The following TESK2 variants were observed in gnomAD, a reference collection of about 807,000 sequenced individuals.
The protein encoded by TESK2 is testis associated actin remodelling kinase 2.
TESK2 carries 39 observed loss-of-function variants against 57.1 expected under a neutral mutation model. The ratio of observed to expected loss-of-function variants is 0.68; its 90% CI spans 0.53 to 0.89. The LOEUF (loss-of-function observed/expected upper bound fraction) is 0.89. TESK2 is among the 40% of genes least tolerant of loss of function. The pLI is 0.00. For missense variants in TESK2, 646 were observed against 732.1 expected (o/e 0.88, Z 1.36); for synonymous variants, 249 against 267.9 (o/e 0.93, Z 0.69).
At chr1:45,463,417 T>C (rs1270550367) in intron 1 of TESK2, among the ~76,000 whole-genome samples, 1 of 152,156 alleles carries the variant, frequency 6.6e-6, no homozygotes, top group African/African-American at 2.4e-5. Flanking sequence ...TGATTAGGTT[T>C]TTCTTCTGCA....
intron 4 of TESK2, among the ~76,000 whole-genome samples, chr1:45,367,456 C>A (rs1032381352): frequency 1.4e-5 from 2 of 147,980 alleles, no homozygotes; most frequent in Non-Finnish European, 3.0e-5. Context: ...TCAAGCAATT[C>A]TCTTGCCTCA....
chr1:45,416,408 G>A (rs2149285161), intron 3 of TESK2, among the ~76,000 whole-genome samples: 1 of 152,006 alleles, frequency 6.6e-6, no homozygotes, highest in South Asian at 2.1e-4. Context: ...CAAAGTGCTG[G>A]GATTACAGGT....
chr1:45,370,013 G>A (rs576411645), intron 4 of TESK2, among the ~76,000 whole-genome samples: 2 of 152,132 alleles, frequency 1.3e-5, no homozygotes, highest in East Asian at 3.9e-4. Flanking sequence ...GTCCAGCCAG[G>A]GAAGATGATT....
intron 4 of TESK2, among the ~76,000 whole-genome samples, chr1:45,384,390 T>TCTAC (rs1334603925): frequency 2.8e-5 from 1 of 35,278 alleles, no homozygotes; most frequent in East Asian, 9.9e-4. Context: ...TATCTATCTG[T>TCTAC]CTATCTATCT....
At chr1:45,379,129 C>G (rs1460607948) in intron 4 of TESK2, among the ~76,000 whole-genome samples, 7 of 151,460 alleles carry the variant, frequency 4.6e-5, no homozygotes, top group African/African-American at 1.5e-4. Context: ...TCACATATCA[C>G]AGCACACCAA....
At chr1:45,405,109 C>T (rs1037645922) in intron 3 of TESK2, among the ~76,000 whole-genome samples, 2 of 152,088 alleles carry the variant, frequency 1.3e-5, no homozygotes, top group African/African-American at 4.8e-5. Context: ...TACAGCAGTA[C>T]TACTATTATT....
intron 1 of TESK2, among the ~76,000 whole-genome samples, chr1:45,471,872 C>A (rs1336770601): frequency 1.3e-5 from 2 of 152,138 alleles, no homozygotes; most frequent in Non-Finnish European, 2.9e-5. Flanking sequence ...CAGCCTCGAA[C>A]TCCTAAGCTC....
Position 45,347,024 on chromosome 1 carries a change from G to A in TESK2, c.747C>T (p.Ile249=), listed in dbSNP as rs1054168471. ...VFSYGIILCE[I]IARIQADPDY... is the part of the protein sequence containing the mutation. Reference sequence around the variant, plus strand: ...CCGGATCGGCCTGGATGCGGGCGATGATCTCGCAGAGGATGATACCATAAG... The same window carrying A: ...CCGGATCGGCCTGGATGCGGGCGATAATCTCGCAGAGGATGATACCATAAG... Residue 249 remains isoleucine, a synonymous_variant, in exon 8 of 11, where the codon ATC becomes ATT. Coordinates refer to ENST00000372086, the MANE Select transcript of TESK2 (RefSeq NM_007170.3). 2.5e-6 allele frequency: 4 copies of A among 1,614,220 alleles called. No individual in the cohort carries two copies. The African/African-American group carries it at 5.3e-5, about 22-fold the overall frequency.
chr1:45,351,195 C>T (rs1040037101), intron 5 of TESK2, among the ~76,000 whole-genome samples: 16 of 152,218 alleles, frequency 1.1e-4, no homozygotes, highest in African/African-American at 3.6e-4. Context: ...AGCCAAGGCT[C>T]GGGTATGTGT....
At chr1:45,483,458 C>CT (rs1653318390) in intron 1 of TESK2, among the ~76,000 whole-genome samples, 2 of 151,890 alleles carry the variant, frequency 1.3e-5, no homozygotes, top group Non-Finnish European at 2.9e-5. Context: ...ATTAGTTGGG[C>CT]ATGGTGGCGC....
At chr1:45,390,723 GCAC>G (rs1649100165) in intron 3 of TESK2, among the ~76,000 whole-genome samples, 1 of 150,116 alleles carries the variant, frequency 6.7e-6, no homozygotes, top group Non-Finnish European at 1.5e-5. Flanking sequence ...CTATAGGTGT[GCAC>G]CACCACGCCT....
chr1:45,480,000 T>G (rs566317142), intron 1 of TESK2, among the ~76,000 whole-genome samples: 1 of 151,666 alleles, frequency 6.6e-6, no homozygotes, highest in East Asian at 2.0e-4. Flanking sequence ...TTTTTGTATT[T>G]TTAGTAGAGA....
intron 1 of TESK2, among the ~76,000 whole-genome samples, chr1:45,487,506 T>C (rs1300187728): frequency 6.6e-6 from 1 of 152,190 alleles, no homozygotes; most frequent in African/African-American, 2.4e-5. Flanking sequence ...TACACCTCCA[T>C]TCCCCTTCAA....
intron 4 of TESK2, among the ~76,000 whole-genome samples, chr1:45,378,779 T>C (rs1268082979): frequency 1.3e-5 from 2 of 152,234 alleles, no homozygotes; most frequent in South Asian, 2.1e-4. Context: ...ACCTAGCCCA[T>C]AGTAGATTCA....
intron 1 of TESK2, among the ~76,000 whole-genome samples, chr1:45,480,545 C>CT (rs1653175289): frequency 6.6e-6 from 1 of 151,736 alleles, no homozygotes; most frequent in Non-Finnish European, 1.5e-5. Flanking sequence ...TTCAAAGGCC[C>CT]TTTTTACAGC....
chr1:45,389,179 C>T (rs1649035733), intron 3 of TESK2, among the ~76,000 whole-genome samples: 1 of 152,118 alleles, frequency 6.6e-6, no homozygotes, highest in Non-Finnish European at 1.5e-5. Flanking sequence ...TTTGAGTGGT[C>T]AAGGCAGAAG....
intron 1 of TESK2, among the ~76,000 whole-genome samples, chr1:45,485,810 C>T (rs905233547): frequency 9.9e-5 from 15 of 151,846 alleles, no homozygotes; most frequent in Non-Finnish European, 1.2e-4. Context: ...CATGAGCCAC[C>T]GCACCCAGCC....
At chr1:45,467,108 T>C (rs533648827) in intron 1 of TESK2, among the ~76,000 whole-genome samples, 1 of 152,230 alleles carries the variant, frequency 6.6e-6, no homozygotes, top group South Asian at 2.1e-4. Flanking sequence ...TCCACTATAC[T>C]AATAAAATTT....
intron 2 of TESK2, among the ~76,000 whole-genome samples, chr1:45,450,407 G>A (rs544611123): frequency 6.6e-6 from 1 of 152,254 alleles, no homozygotes; most frequent in South Asian, 2.1e-4. Context: ...AGCTACTTGG[G>A]AGGCTGAGGC....
Sources: allele counts gnomAD v4.1 joint callset (sites outside exome capture counted in the v4.1 genomes callset), GRCh38; gene constraint gnomAD v4.1.1; transcripts MANE v1.5; gene names NCBI Gene and HGNC (gene_info 2026-07-23, HGNC 2026-07-21).